Variants in SLC44A5 observed in about 807,000 individuals in gnomAD.
The protein encoded by SLC44A5 is choline transporter-like protein 5.
A neutral mutation model predicts 101.8 loss-of-function variants in SLC44A5; 57 were observed. That is an observed-to-expected ratio of 0.56 (90% CI 0.45 to 0.70). The LOEUF (loss-of-function observed/expected upper bound fraction) is 0.70, where lower values mean the gene tolerates loss of function less well. Ranked by LOEUF, SLC44A5 falls within the 30% of genes least tolerant of loss-of-function variation. The pLI is 0.00. For missense variants in SLC44A5, 737 were observed against 853.1 expected, an observed-to-expected ratio of 0.86 and a Z score of 1.70; for synonymous variants, 281 against 290.9, an observed-to-expected ratio of 0.97 and a Z score of 0.35.
chr1:75,352,899 T>C (rs1418471695), intron 3 of SLC44A5, among the ~76,000 whole-genome samples: 2 of 152,190 alleles, frequency 1.3e-5, no homozygotes, highest in Non-Finnish European at 2.9e-5. Flanking sequence ...AGTCGTACAA[T>C]AGGATACTAA....
At chr1:75,652,310 C>T in the SLC44A5 span, among the ~76,000 whole-genome samples, 227 of 152,320 alleles carry the variant, frequency 1.5e-3, no homozygotes, top group African/African-American at 5.3e-3. Context: ...AAGTTGCCTA[C>T]TTGGCCCTCT....
chr1:75,363,419 C>A (rs899634726), intron 3 of SLC44A5, among the ~76,000 whole-genome samples: 19 of 151,618 alleles, frequency 1.3e-4, no homozygotes, highest in African/African-American at 4.6e-4. Context: ...TGGTGGTATG[C>A]TTTGAATCTT....
At chr1:75,365,830 G>C (rs896549233) in intron 3 of SLC44A5, among the ~76,000 whole-genome samples, 12 of 152,048 alleles carry the variant, frequency 7.9e-5, no homozygotes, top group South Asian at 2.1e-4. Context: ...TTGTTACCAG[G>C]GGGGTTAAAT....
Position 75,253,816 on chromosome 1 carries a change from T to G in SLC44A5, c.261-2522A>C, listed in dbSNP as rs566993688. Among the ~76,000 whole-genome samples the G allele has an allele frequency of 9.8e-5, 15 of 152,308 alleles. No homozygotes were observed. In the East Asian group the frequency reaches 2.5e-3, roughly 25 times the overall value. On this transcript the variant is annotated intron_variant, in intron 6 of 23. Transcript: ENST00000370859. ...TATCCTCAAGGGTAAGGTTTATACC[T>G]TATTCATCTTTACATCCTACCTTGC...
At chr1:75,250,945 T>C (rs1649518227) in intron 7 of SLC44A5, among the ~76,000 whole-genome samples, 1 of 152,222 alleles carries the variant, frequency 6.6e-6, no homozygotes, top group Non-Finnish European at 1.5e-5. Flanking sequence ...TTCTCTGGGC[T>C]GCACATATTT....
At chr1:75,614,994 C>T (rs1037409089), upstream of SLC44A5, among the ~76,000 whole-genome samples, 1 of 152,122 alleles carries the variant, frequency 6.6e-6, no homozygotes, top group Non-Finnish European at 1.5e-5. Flanking sequence ...CGCGCGCCGG[C>T]TCTGCGACCC....
chr1:75,676,801 G>A, the SLC44A5 span, among the ~76,000 whole-genome samples: 1 of 152,094 alleles, frequency 6.6e-6, no homozygotes, highest in Admixed American at 6.6e-5. Flanking sequence ...TTAACCAAAA[G>A]AAGAGTACCT....
chr1:75,415,200 G>T (rs1663558208), intron 2 of SLC44A5, among the ~76,000 whole-genome samples: 1 of 152,182 alleles, frequency 6.6e-6, no homozygotes. Context: ...TCACCTTGCA[G>T]CTCCCATAAT....
the SLC44A5 span, among the ~76,000 whole-genome samples, chr1:75,645,741 C>A: frequency 1.5e-5 from 2 of 136,258 alleles, no homozygotes; most frequent in Admixed American, 1.5e-4. Flanking sequence ...CCTAGGTTTT[C>A]TTCTAGTGTT....
At chr1:75,328,799 T>C (rs1035311055) in intron 4 of SLC44A5, among the ~76,000 whole-genome samples, 5 of 152,228 alleles carry the variant, frequency 3.3e-5, no homozygotes, top group Non-Finnish European at 7.3e-5. Flanking sequence ...TCCTAGTCTC[T>C]GTTCAGCCCC....
intron 2 of SLC44A5, among the ~76,000 whole-genome samples, chr1:75,460,117 T>C (rs1666416318): frequency 1.3e-5 from 2 of 152,218 alleles, no homozygotes. Flanking sequence ...TGCCTCACTA[T>C]ATATACATTC....
chr1:75,531,170 A>G (rs546342830), intron 2 of SLC44A5, among the ~76,000 whole-genome samples: 1 of 152,354 alleles, frequency 6.6e-6, no homozygotes, highest in African/African-American at 2.4e-5. Flanking sequence ...AGATTCAGAA[A>G]GCGCATTAGC....
intron 2 of SLC44A5, among the ~76,000 whole-genome samples, chr1:75,445,249 C>T (rs79332737): frequency 0.018 from 2,675 of 151,982 alleles, 81 homozygotes; most frequent in African/African-American, 0.061. Context: ...GTTTAACATG[C>T]CTGGTATCTC....
the SLC44A5 span, among the ~76,000 whole-genome samples, chr1:75,679,613 C>T: frequency 1.3e-4 from 19 of 151,760 alleles, no homozygotes; most frequent in African/African-American, 4.1e-4. Context: ...CTGAAGGAAG[C>T]GCTAAACATG....
chr1:75,357,643 G>T (rs1041369677), intron 3 of SLC44A5, among the ~76,000 whole-genome samples: 4 of 152,254 alleles, frequency 2.6e-5, no homozygotes, highest in South Asian at 2.1e-4. Flanking sequence ...CTGCAAGCTG[G>T]ACTTTGAAAG....
chr1:75,260,505 G>A (rs1650399869), intron 6 of SLC44A5, among the ~76,000 whole-genome samples: 1 of 152,008 alleles, frequency 6.6e-6, no homozygotes, highest in Admixed American at 6.6e-5. Flanking sequence ...CCCAATACAG[G>A]AACACCCAGA....
chr1:75,514,404 G>A (rs1438855061), intron 2 of SLC44A5, among the ~76,000 whole-genome samples: 1 of 152,120 alleles, frequency 6.6e-6, no homozygotes, highest in Admixed American at 6.5e-5. Context: ...AGTCAGTGCG[G>A]TCATCATGTG....
chr1:75,417,752 G>A (rs1231294417), intron 2 of SLC44A5, among the ~76,000 whole-genome samples: 3 of 152,204 alleles, frequency 2.0e-5, no homozygotes, highest in African/African-American at 4.8e-5. Context: ...AATGGCTAAA[G>A]AAAGAGTTCT....
chr1:75,476,645 A>T (rs1424966490), intron 2 of SLC44A5, among the ~76,000 whole-genome samples: 1 of 152,204 alleles, frequency 6.6e-6, no homozygotes, highest in African/African-American at 2.4e-5. Context: ...AGTCTCGCTG[A>T]TTGCTAGCAC....
Sources: gnomAD v4.1 joint callset for allele counts (sites outside exome capture counted in the v4.1 genomes callset) on GRCh38, gnomAD v4.1.1 for gene constraint, MANE v1.5 for transcripts, NCBI Gene and HGNC (gene_info 2026-07-23, HGNC 2026-07-21) for gene names.